ARID1B: variants seen among roughly 807,000 people sequenced by gnomAD.
The protein encoded by ARID1B is AT-rich interactive domain-containing protein 1B.
A neutral mutation model predicts 212.3 loss-of-function variants in ARID1B; 30 were observed. The observed-to-expected ratio is 0.14, with a 90% CI of 0.11 to 0.19. The LOEUF is 0.19. Ranked by LOEUF, ARID1B falls within the 10% of genes least tolerant of loss-of-function variation. The pLI is 1.00. For missense variants in ARID1B, 2,891 were observed against 3,204.0 expected, an observed-to-expected ratio of 0.90 and a Z score of 2.36; for synonymous variants, 1,402 against 1,301.7, an observed-to-expected ratio of 1.08 and a Z score of -1.66.
At chr6:156,867,190 A>G (rs1486589921) in intron 2 of ARID1B, among the ~76,000 whole-genome samples, 1 of 152,226 alleles carries the variant, frequency 6.6e-6, no homozygotes, top group East Asian at 1.9e-4. Flanking sequence ...AAAGAAAATC[A>G]TATTGCTGGA....
chr6:156,881,717 A>G (rs542711161), intron 2 of ARID1B, among the ~76,000 whole-genome samples: 1 of 152,288 alleles, frequency 6.6e-6, no homozygotes, highest in South Asian at 2.1e-4. Flanking sequence ...CAAATGGTAG[A>G]TATTCCTTAA....
chr6:157,154,387 A>C (rs1671422460), intron 8 of ARID1B, among the ~76,000 whole-genome samples: 1 of 152,170 alleles, frequency 6.6e-6, no homozygotes, highest in Non-Finnish European at 1.5e-5. Context: ...TTCCATAAGG[A>C]CACAGAGTTT....
intron 6 of ARID1B, among the ~76,000 whole-genome samples, chr6:157,113,737 A>G (rs1003205252): frequency 2.6e-5 from 4 of 152,212 alleles, no homozygotes; most frequent in South Asian, 2.1e-4. Context: ...ATATCACTGT[A>G]CATTCCCTTT....
chr6:157,206,547 A>T lies in ARID1B; in HGVS notation c.5775A>T (p.Arg1925=). 1 of 1,614,178 alleles carries T rather than the reference A, an allele frequency of 6.2e-7. No individual in the cohort carries two copies. The highest frequency in any genetic ancestry group is 8.5e-7 in the Non-Finnish European group (1 of 1,180,034). ...VKKNNLFVVD[R]SDKLGRVQEF... ...AGAACAACCTGTTTGTTGTTGACCGATCTGACAAGTTGGGGCGTGTGCAGG... is the reference window on the plus strand; with the variant it reads ...AGAACAACCTGTTTGTTGTTGACCGTTCTGACAAGTTGGGGCGTGTGCAGG... The change falls in exon 20 of 20, where the codon CGA becomes CGT. Residue 1925 remains arginine, a synonymous_variant. Transcript: ENST00000636930. This position sits in a 1 kb window ranked among gnomAD's most constrained non-coding sequence, Gnocchi z 6.8.
intron 1 of ARID1B, among the ~76,000 whole-genome samples, chr6:156,817,366 T>A (rs1782039879): frequency 1.3e-5 from 2 of 151,930 alleles, no homozygotes; most frequent in African/African-American, 4.8e-5. Flanking sequence ...CCTGATGTTG[T>A]GACTCACACC....
chr6:157,144,893 G>C (rs538316324), intron 7 of ARID1B, among the ~76,000 whole-genome samples: 2 of 152,272 alleles, frequency 1.3e-5, no homozygotes, highest in African/African-American at 4.8e-5. Flanking sequence ...ATTTTAACTT[G>C]AAAACAAAGT....
chr6:156,801,006 A>G (rs970263290), intron 1 of ARID1B, among the ~76,000 whole-genome samples: 1 of 152,212 alleles, frequency 6.6e-6, no homozygotes, highest in African/African-American at 2.4e-5. Flanking sequence ...CATAAGTTGC[A>G]AAATAGATCT....
At chr6:156,862,632 G>T (rs879436147) in intron 2 of ARID1B, among the ~76,000 whole-genome samples, 1 of 152,228 alleles carries the variant, frequency 6.6e-6, no homozygotes, top group African/African-American at 2.4e-5. Context: ...GAGCCTTCCT[G>T]CAGTGATTGA....
intron 1 of ARID1B, among the ~76,000 whole-genome samples, chr6:156,786,985 G>A (rs1252891948): frequency 6.8e-6 from 1 of 146,918 alleles, no homozygotes; most frequent in East Asian, 2.0e-4. Flanking sequence ...GTATATTTTG[G>A]CAAAACAAAA....
chr6:156,864,545 T>G (rs1220189080), intron 2 of ARID1B, among the ~76,000 whole-genome samples: 1 of 152,260 alleles, frequency 6.6e-6, no homozygotes, highest in African/African-American at 2.4e-5. Context: ...TCCATGCTTG[T>G]GTAAGCTGTG....
chr6:157,176,574 G>A lies in ARID1B; in HGVS notation c.3504+1569G>A, dbSNP rs369363422. On this transcript the variant is annotated intron_variant, in intron 11 of 19. Transcript: ENST00000636930. ...AAGATAATAATTAAGGGCCGGGTGC[G>A]GTGGCTCACGCCTATAATCCCAGCA... Among the ~76,000 whole-genome samples, 52 of 152,294 alleles carry A rather than the reference G, an allele frequency of 3.4e-4. No homozygotes were observed. The East Asian group carries it at 7.9e-3, about 23-fold the overall frequency.
chr6:156,830,286 C>T (rs1783054825), intron 2 of ARID1B, among the ~76,000 whole-genome samples: 1 of 152,210 alleles, frequency 6.6e-6, no homozygotes, highest in Admixed American at 6.5e-5. Context: ...CAGGCTGATG[C>T]TGCTGCACGT....
chr6:157,127,512 C>T (rs1465795310), intron 6 of ARID1B, among the ~76,000 whole-genome samples: 2 of 151,822 alleles, frequency 1.3e-5, no homozygotes, highest in East Asian at 3.9e-4. Context: ...AAAATTACGC[C>T]TGTAATCCCA....
rs1384843758 is a variant in ARID1B, at chr6:156,778,063, C to T, written c.383C>T (p.Ala128Val). Residue 128 changes from alanine (A) to valine (V), a missense_variant, in exon 1 of 20, where the codon GCG becomes GTG. By Grantham distance (64) the Ala-to-Val change is moderately conservative. Around this residue, in one of 7 missense-constraint regions of ARID1B, gnomAD observed 1,643 missense variants for 1,544.0 expected, o/e 1.06. Transcript: ENST00000636930. The stretch of plus-strand genomic sequence containing the variant: ...TCCTCCTCCTCCTCCGCGGCGGCAG[C>T]GGCGGCATCCTCTTCCTCCTCGTCG... ...SSSSSSSAAAAAASSSSSSGP... is the reference protein window; with the variant it reads ...SSSSSSSAAAVAASSSSSSGP... The T allele has an allele frequency of 6.5e-7, 1 of 1,538,544 alleles. No homozygotes were observed.
intron 4 of ARID1B, chr6:157,030,364 T>C (rs772379261): frequency 1.3e-5 from 2 of 152,254 alleles, no homozygotes; most frequent in Non-Finnish European, 2.9e-5. Context: ...TGCAGCAGTC[T>C]CTTGACCCAG....
In ARID1B at chr6:156,916,231, A is replaced by G. The variant is rs914031695; in HGVS notation, c.2136+14706A>G. On this transcript the variant is annotated intron_variant, in intron 3 of 19. Coordinates refer to ENST00000636930, the MANE Select transcript of ARID1B (RefSeq NM_001374828.1). ...TACTGCTGACACTGCGGCTCCATGA[A>G]TTCCACAACTTCTTGTTGTTTACAT... Among the ~76,000 whole-genome samples, 8 of 152,216 alleles carry G rather than the reference A, an allele frequency of 5.3e-5. No individual in the cohort carries two copies. The East Asian group carries it at 1.5e-3, about 29-fold the overall frequency.
At position 157,206,026 on chromosome 6, in the gene ARID1B, G is replaced by C; in HGVS notation, c.5395-141G>C. The stretch of plus-strand genomic sequence containing the variant: ...ACCTGAAGGGTAGTTTATCTTTCAT[G>C]GTCCAGCCAAAAAGGGAGACAAACG... On this transcript the variant is annotated intron_variant, in intron 19 of 19. Coordinates refer to ENST00000636930, the MANE Select transcript of ARID1B (RefSeq NM_001374828.1). This position sits in a 1 kb window ranked among gnomAD's most constrained non-coding sequence, Gnocchi z 6.8. 1.1e-6 allele frequency: 1 copy of C among 949,218 alleles called. No homozygotes were observed. Among genetic ancestry groups the C allele is most frequent in the Non-Finnish European group, 1.6e-6 (1 of 630,280 alleles). The allele number at this position is 949,218 out of a possible 1,614,324, so 58.8% of individuals were successfully genotyped here.
chr6:157,029,459 A>G (rs908045767), intron 4 of ARID1B, among the ~76,000 whole-genome samples: 1 of 152,184 alleles, frequency 6.6e-6, no homozygotes, highest in Non-Finnish European at 1.5e-5. Context: ...TGTGTCTGGC[A>G]CTCTTCCAGG....
intron 1 of ARID1B, among the ~76,000 whole-genome samples, chr6:156,827,256 T>C (rs1782804032): frequency 6.6e-6 from 1 of 152,216 alleles, no homozygotes; most frequent in Non-Finnish European, 1.5e-5. Flanking sequence ...TGTAAACCAC[T>C]GAAGGCTCCC....
Sources: gnomAD v4.1 joint callset for allele counts (sites outside exome capture counted in the v4.1 genomes callset) on GRCh38, gnomAD v4.1.1 for gene constraint, gnomAD v4.1.1 regional missense constraint, Gnocchi (gnomAD v3.1) non-coding constraint, MANE v1.5 for transcripts, NCBI Gene and HGNC (gene_info 2026-07-23, HGNC 2026-07-21) for gene names.